The following FMR1NB variants were observed in gnomAD, a reference collection of about 807,000 sequenced individuals.
FMR1NB encodes the protein FMR1 neighbor.
A neutral mutation model predicts 16.8 loss-of-function variants in FMR1NB; 10 were observed. That is an observed-to-expected ratio of 0.60 (90% CI 0.37 to 1.01). The LOEUF is 1.01. FMR1NB is among the 50% of genes least tolerant of loss of function. The pLI is 0.01. For missense variants in FMR1NB, 205 were observed against 204.8 expected, an observed-to-expected ratio of 1.00 and a Z score of 0.00; for synonymous variants, 83 against 79.1, an observed-to-expected ratio of 1.05 and a Z score of -0.26.
chrX:148,011,474 A>G (rs1235137090), intron 4 of FMR1NB, among the ~76,000 whole-genome samples: 1 of 111,504 alleles, frequency 9.0e-6, no homozygotes, highest in African/African-American at 3.3e-5. Flanking sequence ...TTTTTAAGAT[A>G]TAGGCCCTAC....
At chrX:148,018,577 C>G (rs1365372543) in intron 4 of FMR1NB, among the ~76,000 whole-genome samples, 3 of 111,610 alleles carry the variant, frequency 2.7e-5, no homozygotes, top group Non-Finnish European at 5.7e-5. Context: ...ATGGGGAAAG[C>G]ATTCCCTATT....
chrX:147,999,436 T>C (rs2044559844), intron 1 of FMR1NB, among the ~76,000 whole-genome samples: 1 of 112,171 alleles, frequency 8.9e-6, no homozygotes, highest in Admixed American at 9.4e-5. Context: ...GAGGGTTCTC[T>C]GATCTGGCAA....
chrX:148,008,735 T>C lies in FMR1NB; in HGVS notation c.632+24T>C, dbSNP rs782548285. ...AGGTAGGTGAACATAAACTTTTATT[T>C]GCTCGTTGCTAAGTATACATGAGTA... On this transcript the variant is annotated intron_variant, in intron 4 of 5. Transcript: ENST00000370467. The C allele has an allele frequency of 5.2e-6, 6 of 1,148,635 alleles. No individual in the cohort carries two copies. In the East Asian group the frequency reaches 1.8e-4, roughly 34 times the overall value. The allele number at this position is 1,148,635 out of a possible 1,213,427, so 94.7% of individuals were successfully genotyped here.
intron 4 of FMR1NB, among the ~76,000 whole-genome samples, chrX:148,013,256 A>G (rs2044633890): frequency 8.9e-6 from 1 of 112,155 alleles, no homozygotes; most frequent in African/African-American, 3.2e-5. Context: ...GGTACTATTA[A>G]AAAGAACATT....
At chrX:148,015,593 A>G (rs1270542428) in intron 4 of FMR1NB, among the ~76,000 whole-genome samples, 2 of 112,069 alleles carry the variant, frequency 1.8e-5, no homozygotes, top group Non-Finnish European at 3.8e-5. Flanking sequence ...ATTCAGGAAC[A>G]TATTGTTTAA....
rs1357305886 is a variant in FMR1NB, at chrX:147,981,736, GA to G, written c.277+58del. The G allele has an allele frequency of 1.4e-4, 84 of 617,119 alleles. No individual in the cohort carries two copies. The East Asian group carries it at 1.5e-3, about 11-fold the overall frequency. The allele number at this position is 617,119 out of a possible 1,213,427, so 50.9% of individuals were successfully genotyped here. On this transcript the variant is annotated intron_variant, in intron 1 of 5. Transcript: ENST00000370467. Reference sequence around the variant, plus strand: ...GCTGGGGGAGGGGGAGGGGGAGGGAGAGGGGGGCGGGGTGTGGCAACACACC... The same window carrying G: ...GCTGGGGGAGGGGGAGGGGGAGGGAGGGGGGGCGGGGTGTGGCAACACACC...
At chrX:147,981,725 AGGGGGAGGGAGAGGGGGGC>A in intron 1 of FMR1NB, 46 bp downstream of exon 1, 1 of 26,550 alleles carries the variant, frequency 3.8e-5, no homozygotes, top group Non-Finnish European at 8.2e-5. Flanking sequence ...GGGGAGGGGG[AGGGGGAGGGAGAGGGGGGC>A]GGGGTGTGGC....
chrX:148,006,931 T>C (rs1196446818), intron 3 of FMR1NB, 89 bp downstream of exon 3: 1 of 976,572 alleles, frequency 1.0e-6, no homozygotes, highest in Non-Finnish European at 1.4e-6. Context: ...ATTTCCTAGC[T>C]TAATACTTAA....
intron 4 of FMR1NB, among the ~76,000 whole-genome samples, chrX:148,019,046 C>A (rs781831387): frequency 1.8e-5 from 2 of 112,096 alleles, no homozygotes; most frequent in Admixed American, 1.9e-4. Context: ...AGACTATTTT[C>A]TAGATGTTGT....
At chrX:147,983,960 G>A (rs2044463790) in intron 1 of FMR1NB, among the ~76,000 whole-genome samples, 1 of 111,442 alleles carries the variant, frequency 9.0e-6, no homozygotes, top group Non-Finnish European at 1.9e-5. Context: ...ATAGCCCCTC[G>A]TTCCAGCACC....
At chrX:147,997,713 A>G (rs1478764712) in intron 1 of FMR1NB, among the ~76,000 whole-genome samples, 1 of 111,986 alleles carries the variant, frequency 8.9e-6, no homozygotes, top group Non-Finnish European at 1.9e-5. Flanking sequence ...TATCCATCTG[A>G]CAAAAGGCTA....
chrX:148,000,925 G>A (rs1462553528), intron 1 of FMR1NB, among the ~76,000 whole-genome samples: 1 of 111,791 alleles, frequency 8.9e-6, no homozygotes, highest in Non-Finnish European at 1.9e-5. Flanking sequence ...GTAAAGAAAG[G>A]AGACAAAGTC....
At position 148,018,002 on chromosome X, in the gene FMR1NB, G is replaced by A. The variant is rs782246642; in HGVS notation, c.633-6863G>A. 4.7e-4 allele frequency among the ~76,000 whole-genome samples: 50 copies of A among 105,975 alleles called. No homozygotes were observed. The East Asian group carries it at 7.1e-3, about 15-fold the overall frequency. 92.0% of individuals were successfully genotyped at this position (105,975 alleles called of 115,157 possible). On this transcript the variant is annotated intron_variant, in intron 4 of 5. Coordinates refer to ENST00000370467, the MANE Select transcript of FMR1NB (RefSeq NM_152578.3). ...GTGAATAGTGCCGCAATAAACATAC[G>A]TGTGCATGTGTCTTTATAGCAGCAT...
chrX:147,998,557 A>G (rs1221439009), intron 1 of FMR1NB, among the ~76,000 whole-genome samples: 1 of 112,256 alleles, frequency 8.9e-6, no homozygotes, highest in Non-Finnish European at 1.9e-5. Context: ...TACCTATGTA[A>G]CAAACCTGCA....
At chrX:148,013,878 A>G in intron 4 of FMR1NB, among the ~76,000 whole-genome samples, 1 of 111,746 alleles carries the variant, frequency 8.9e-6, no homozygotes, top group Non-Finnish European at 1.9e-5. Context: ...CCAGGCTAGA[A>G]CCTTAGAGTC....
intron 1 of FMR1NB, among the ~76,000 whole-genome samples, chrX:147,992,219 T>C (rs2044510635): frequency 9.7e-6 from 1 of 102,994 alleles, no homozygotes; most frequent in Non-Finnish European, 2.0e-5. Context: ...GGCTCCTCAC[T>C]TCCCAGTAGG....
chrX:148,008,996 A>G lies in FMR1NB; in HGVS notation c.632+285A>G, dbSNP rs782288365. ...GGAGTTCGAGACCAGTCTGACCAAC[A>G]TGGCGAAACCCCGTTTCTATTAAAA... On this transcript the variant is annotated intron_variant, in intron 4 of 5. Transcript: ENST00000370467. Among the ~76,000 whole-genome samples, 619 of 109,776 alleles carry G rather than the reference A, an allele frequency of 5.6e-3. 6 individuals are homozygous for G. The highest frequency in any genetic ancestry group is 0.02 in the African/African-American group (588 of 30,117).
intron 5 of FMR1NB, among the ~76,000 whole-genome samples, chrX:148,025,406 TGAGATTG>T (rs1480456744): frequency 9.0e-6 from 1 of 111,116 alleles, no homozygotes; most frequent in African/African-American, 3.3e-5. Flanking sequence ...CTGACAGAGA[TGAGATTG>T]AATCCTGGAT....
intron 4 of FMR1NB, among the ~76,000 whole-genome samples, chrX:148,018,112 C>T (rs2044659689): frequency 9.1e-6 from 1 of 109,877 alleles, no homozygotes; most frequent in South Asian, 3.9e-4. Flanking sequence ...GAGGAATCGC[C>T]ACACTGACTT....
Sources: gnomAD v4.1 joint callset for allele counts (sites outside exome capture counted in the v4.1 genomes callset) on GRCh38, gnomAD v4.1.1 for gene constraint, MANE v1.5 for transcripts, NCBI Gene and HGNC (gene_info 2026-07-23, HGNC 2026-07-21) for gene names.